The following DCBLD2 variants were observed in gnomAD, a reference collection of about 807,000 sequenced individuals.
DCBLD2 encodes discoidin, CUB and LCCL domain containing 2, also known as discoidin, CUB and LCCL domain-containing protein 2.
In DCBLD2, 54 loss-of-function variants were observed where a neutral mutation model predicts 86.8. The ratio of observed to expected loss-of-function variants is 0.62; its 90% CI spans 0.50 to 0.78. The LOEUF (loss-of-function observed/expected upper bound fraction) is 0.78, where lower values mean the gene tolerates loss of function less well. Among genes scored for constraint, DCBLD2 ranks in the 30% least tolerant of loss-of-function variants. DCBLD2 has a pLI of 0.00. For synonymous variants in DCBLD2, 354 were observed against 341.3 expected, an observed-to-expected ratio of 1.04 and a Z score of -0.41; for missense variants, 908 against 954.2, an observed-to-expected ratio of 0.95 and a Z score of 0.64.
At chr3:98,889,136 A>T (rs1943612502) in intron 1 of DCBLD2, among the ~76,000 whole-genome samples, 1 of 151,938 alleles carries the variant, frequency 6.6e-6, no homozygotes, top group South Asian at 2.1e-4. Flanking sequence ...TCTTGAGCAT[A>T]TATCTGCCTG....
At chr3:98,835,892 G>A (rs116015172) in intron 3 of DCBLD2, among the ~76,000 whole-genome samples, 21,116 of 147,378 alleles carry the variant, frequency 0.14, 1,546 homozygotes, top group Middle Eastern at 0.19. Context: ...TATGAGGGGA[G>A]GAGATGAATT....
chr3:98,835,956 G>C (rs1224990839), intron 3 of DCBLD2, among the ~76,000 whole-genome samples: 1 of 28,476 alleles, frequency 3.5e-5, no homozygotes, highest in Admixed American at 3.7e-4. Context: ...TTTTTTTTAA[G>C]ATTTTTAAAT....
At chr3:98,864,694 G>A (rs1187407294) in intron 2 of DCBLD2, among the ~76,000 whole-genome samples, 1 of 152,086 alleles carries the variant, frequency 6.6e-6, no homozygotes, top group African/African-American at 2.4e-5. Flanking sequence ...TCACACTCTG[G>A]GGCCTGTTGT....
intron 3 of DCBLD2, among the ~76,000 whole-genome samples, chr3:98,825,802 C>T (rs1942209764): frequency 6.6e-6 from 1 of 151,590 alleles, no homozygotes; most frequent in Non-Finnish European, 1.5e-5. Flanking sequence ...TTGCTGTTTG[C>T]ACATAAGGAA....
intron 3 of DCBLD2, among the ~76,000 whole-genome samples, chr3:98,836,590 T>C (rs1422538127): frequency 1.3e-5 from 2 of 148,954 alleles, no homozygotes; most frequent in African/African-American, 4.9e-5. Flanking sequence ...TCCTGGCCCG[T>C]TCTCAATGAG....
intron 1 of DCBLD2, among the ~76,000 whole-genome samples, chr3:98,895,576 CCAA>C (rs1358999044): frequency 2.0e-5 from 3 of 152,174 alleles, no homozygotes; most frequent in African/African-American, 7.2e-5. Flanking sequence ...TCAAAGCTTA[CCAA>C]TCTAAAACCA....
intron 3 of DCBLD2, among the ~76,000 whole-genome samples, chr3:98,847,048 T>A (rs1401315673): frequency 6.6e-6 from 1 of 152,188 alleles, no homozygotes; most frequent in Non-Finnish European, 1.5e-5. Flanking sequence ...AACCCAAGAC[T>A]TTCAATAAGT....
chr3:98,872,433 AC>A (rs1346719100), intron 2 of DCBLD2, among the ~76,000 whole-genome samples: 1 of 152,074 alleles, frequency 6.6e-6, no homozygotes, highest in Non-Finnish European at 1.5e-5. Context: ...GCAGCACAAA[AC>A]CTTTATCAGA....
At chr3:98,890,035 T>G (rs1363154701) in intron 1 of DCBLD2, among the ~76,000 whole-genome samples, 1 of 152,040 alleles carries the variant, frequency 6.6e-6, no homozygotes, top group Admixed American at 6.6e-5. Context: ...ATACTTGATG[T>G]CTTCTTTGCC....
chr3:98,848,560 T>C (rs949580516), intron 3 of DCBLD2, among the ~76,000 whole-genome samples: 2 of 152,240 alleles, frequency 1.3e-5, no homozygotes, highest in East Asian at 1.9e-4. Flanking sequence ...TCTTCCACAA[T>C]GGCTGAACTG....
intron 13 of DCBLD2, among the ~76,000 whole-genome samples, chr3:98,802,472 A>G (rs1421812311): frequency 5.3e-5 from 8 of 152,080 alleles, no homozygotes; most frequent in African/African-American, 1.9e-4. Context: ...TCAGATGAGT[A>G]GATTGCAAAA....
intron 6 of DCBLD2, 160 bp downstream of exon 6, chr3:98,822,063 AAAAAC>A (rs1328225177): frequency 1.1e-6 from 1 of 903,572 alleles, no homozygotes; most frequent in Non-Finnish European, 1.8e-6. Context: ...AACAAAACAA[AAAAAC>A]AGACACTGAG....
chr3:98,856,636 G>A (rs976582265), intron 2 of DCBLD2, among the ~76,000 whole-genome samples: 1 of 152,076 alleles, frequency 6.6e-6, no homozygotes, highest in Non-Finnish European at 1.5e-5. Flanking sequence ...TCATACATTT[G>A]GGATATGATA....
intron 1 of DCBLD2, among the ~76,000 whole-genome samples, chr3:98,889,451 T>C (rs1161693694): frequency 1.3e-5 from 2 of 151,950 alleles, no homozygotes; most frequent in Non-Finnish European, 2.9e-5. Flanking sequence ...AAAAAAAGTG[T>C]GCAGCACATC....
rs570028708 is a variant in DCBLD2, at chr3:98,865,444, G to A, written c.434-15846C>T. On this transcript the variant is annotated intron_variant, in intron 2 of 15. Coordinates refer to ENST00000326840, the MANE Select transcript of DCBLD2 (RefSeq NM_080927.4). The stretch of plus-strand genomic sequence containing the variant: ...AACTCACAGAAGCAGAGAGTAGAAC[G>A]GGTTGAAGGGGGAGTTGGAGGGATG... Among the ~76,000 whole-genome samples the A allele has an allele frequency of 2.2e-4, 34 of 152,286 alleles. No individual in the cohort carries two copies. The East Asian group carries it at 5.4e-3, about 24-fold the overall frequency.
intron 1 of DCBLD2, among the ~76,000 whole-genome samples, chr3:98,894,622 G>A (rs1420049609): frequency 1.3e-5 from 2 of 152,152 alleles, no homozygotes; most frequent in Non-Finnish European, 2.9e-5. Flanking sequence ...GACTGGGAAA[G>A]GCTGGGAAGA....
chr3:98,901,405 G>A lies in DCBLD2; in HGVS notation c.-79C>T. On this transcript the variant is annotated 5_prime_UTR_variant, in exon 1 of 16. Coordinates refer to ENST00000326840, the MANE Select transcript of DCBLD2 (RefSeq NM_080927.4). ...GCCTCTGGCCGCGGCACCCGACCAG[G>A]AGACGGCGGCAGCGGCGGGAGAACA... 2 of 1,243,992 alleles carry A rather than the reference G, an allele frequency of 1.6e-6. No individual in the cohort carries two copies. The highest frequency in any genetic ancestry group is 2.0e-6 in the Non-Finnish European group (2 of 994,646). The allele number at this position is 1,243,992 out of a possible 1,614,324, so 77.1% of individuals were successfully genotyped here.
chr3:98,825,480 G>A, intron 3 of DCBLD2, 114 bp from the exon 4 acceptor site: 2 of 758,706 alleles, frequency 2.6e-6, no homozygotes, highest in Non-Finnish European at 4.2e-6. Context: ...AAATCTCAAT[G>A]GCACTGTCAA....
At chr3:98,887,937 A>G (rs1440057687) in intron 1 of DCBLD2, among the ~76,000 whole-genome samples, 1 of 151,968 alleles carries the variant, frequency 6.6e-6, no homozygotes, top group Non-Finnish European at 1.5e-5. Context: ...CTATAGTATC[A>G]CACAGAGTAG....
Sources: allele counts gnomAD v4.1 joint callset (sites outside exome capture counted in the v4.1 genomes callset), GRCh38; gene constraint gnomAD v4.1.1; transcripts MANE v1.5; gene names NCBI Gene and HGNC (gene_info 2026-07-23, HGNC 2026-07-21).